The following WDR25 variants were observed in gnomAD, a reference collection of about 807,000 sequenced individuals.
The protein encoded by WDR25 is WD repeat domain 25.
A neutral mutation model predicts 47.7 loss-of-function variants in WDR25; 35 were observed. The ratio of observed to expected loss-of-function variants is 0.73; its 90% CI spans 0.56 to 0.97. WDR25 has a LOEUF of 0.97. Ranked by LOEUF, WDR25 falls within the 50% of genes least tolerant of loss-of-function variation. WDR25 has a pLI of 0.00. For missense variants in WDR25, 634 were observed against 704.7 expected, an observed-to-expected ratio of 0.90 and a Z score of 1.14; for synonymous variants, 248 against 278.9, an observed-to-expected ratio of 0.89 and a Z score of 1.10.
At position 100,525,795 on chromosome 14, in the gene WDR25, G is replaced by A. The variant is rs1034817232; in HGVS notation, c.1102-75G>A. 34 of 1,562,794 alleles carry A rather than the reference G, an allele frequency of 2.2e-5. No individual in the cohort carries two copies. The highest frequency in any genetic ancestry group is 3.0e-5 in the Non-Finnish European group (34 of 1,152,318). On this transcript the variant is annotated intron_variant, in intron 4 of 6. Transcript: ENST00000402312. The surrounding 1 kb of genome is among the most constrained non-coding windows in gnomAD (Gnocchi z 4.6). ...TTCACTAAACCTGCCTGCCCCCTGG[G>A]TCCTTGGCCTTCCCTGCATAGGCGC...
chr14:100,430,200 A>G lies in WDR25; in HGVS notation c.823-37821A>G, dbSNP rs927701327. On this transcript the variant is annotated intron_variant, in intron 2 of 6. Transcript: ENST00000402312. The surrounding 1 kb of genome is among the most constrained non-coding windows in gnomAD (Gnocchi z 4.7). Reference sequence around the variant, plus strand: ...TGTGTGTGTGTTCCCGGGAAGGCACATCCTAAGCTTGGCCTGCTGGCTCTG... The same window carrying G: ...TGTGTGTGTGTTCCCGGGAAGGCACGTCCTAAGCTTGGCCTGCTGGCTCTG... Among the ~76,000 whole-genome samples the G allele has an allele frequency of 6.0e-5, 9 of 151,090 alleles. No homozygotes were observed. The highest frequency in any genetic ancestry group is 2.6e-4 in the Admixed American group (4 of 15,198).
At chr14:100,409,008 G>A (rs1259422209) in intron 2 of WDR25, among the ~76,000 whole-genome samples, 1 of 152,198 alleles carries the variant, frequency 6.6e-6, no homozygotes, top group African/African-American at 2.4e-5. Flanking sequence ...GGTGCTTGTC[G>A]AGATAACTGA....
At chr14:100,391,567 A>G (rs1897146529) in intron 2 of WDR25, among the ~76,000 whole-genome samples, 1 of 152,338 alleles carries the variant, frequency 6.6e-6, no homozygotes, top group African/African-American at 2.4e-5. Flanking sequence ...AAGAACAGAA[A>G]GGTATAAAGA....
chr14:100,394,457 G>T (rs914855302), intron 2 of WDR25, among the ~76,000 whole-genome samples: 2 of 152,200 alleles, frequency 1.3e-5, no homozygotes, highest in Admixed American at 6.5e-5. Flanking sequence ...GCACTCAGTG[G>T]CAGTGTCAGC....
At position 100,502,577 on chromosome 14, in the gene WDR25, T is replaced by G. The variant is rs905630200; in HGVS notation, c.1101+18453T>G. 1.3e-5 allele frequency among the ~76,000 whole-genome samples: 2 copies of G among 152,226 alleles called. No individual in the cohort carries two copies. Among genetic ancestry groups the G allele is most frequent in the Non-Finnish European group, 2.9e-5 (2 of 68,034 alleles). The stretch of plus-strand genomic sequence containing the variant: ...TGTCCTGGAGCTGCTCACTTTAGAG[T>G]TCTTCATTAGGGGTCCTATAGACAC... On this transcript the variant is annotated intron_variant, in intron 4 of 6. Coordinates refer to ENST00000402312, the MANE Select transcript of WDR25 (RefSeq NM_001161476.3). This position sits in a 1 kb window ranked among gnomAD's most constrained non-coding sequence, Gnocchi z 4.5.
intron 2 of WDR25, chr14:100,454,572 C>A: frequency 1.6e-6 from 1 of 616,054 alleles, no homozygotes; most frequent in Non-Finnish European, 2.7e-6. Flanking sequence ...AAAAAGCAGG[C>A]AGAGACTGGA....
At position 100,499,433 on chromosome 14, in the gene WDR25, C is replaced by G. The variant is rs954959618; in HGVS notation, c.1101+15309C>G. On this transcript the variant is annotated intron_variant, in intron 4 of 6. Coordinates refer to ENST00000402312, the MANE Select transcript of WDR25 (RefSeq NM_001161476.3). The surrounding 1 kb of genome is among the most constrained non-coding windows in gnomAD (Gnocchi z 4.4). ...ACTTCTCTGCACAATAATTCTTAAA[C>G]GCAGAATTAGTCGAAAGGTAAGCAT... is the stretch of plus-strand genomic sequence containing the variant. Among the ~76,000 whole-genome samples the G allele has an allele frequency of 6.6e-6, 1 of 152,174 alleles. No homozygotes were observed. The highest frequency in any genetic ancestry group is 2.4e-5 in the African/African-American group (1 of 41,430).
intron 4 of WDR25, among the ~76,000 whole-genome samples, chr14:100,514,969 C>A (rs1901443516): frequency 6.6e-6 from 1 of 152,076 alleles, no homozygotes; most frequent in Non-Finnish European, 1.5e-5. Flanking sequence ...GATATTTATG[C>A]TAGGTAAAGA....
rs151218015 is a variant in WDR25 at position 100,381,513 on chromosome 14, G to T, written c.589G>T (p.Val197Leu). ...LSTETGKGKD[V>L]EPQGPPAGRA... ...CACGGAGACAGGCAAGGGTAAAGAC[G>T]TGGAGCCACAGGGGCCCCCTGCAGG... The change falls in exon 2 of 7, where the codon GTG (valine) becomes TTG (leucine). Residue 197 changes from valine to leucine, a missense_variant. Val to Leu is a conservative substitution (Grantham distance 32, BLOSUM62 1). Coordinates refer to ENST00000402312, the MANE Select transcript of WDR25 (RefSeq NM_001161476.3). 19 of 1,614,064 alleles carry T rather than the reference G, an allele frequency of 1.2e-5. No individual in the cohort carries two copies. The South Asian group carries it at 2.0e-4, about 17-fold the overall frequency.
intron 2 of WDR25, among the ~76,000 whole-genome samples, chr14:100,433,855 T>G (rs1454031363): frequency 6.6e-6 from 1 of 152,360 alleles, no homozygotes; most frequent in East Asian, 1.9e-4. Context: ...GGCTCACTTA[T>G]TCTTTTCCTG....
rs549722984 is a variant in WDR25 at position 100,500,887 on chromosome 14, A to G, written c.1101+16763A>G. ...CACTTGAGAGGATCAACACACAAAT[A>G]CATGTGTAATTGTCTATTTCTGCTT... On this transcript the variant is annotated intron_variant, in intron 4 of 6. Transcript: ENST00000402312. This position sits in a 1 kb window ranked among gnomAD's most constrained non-coding sequence, Gnocchi z 4.7. 2.0e-5 allele frequency among the ~76,000 whole-genome samples: 3 copies of G among 152,178 alleles called. No homozygotes were observed. Among genetic ancestry groups the G allele is most frequent in the African/African-American group, 7.2e-5 (3 of 41,418 alleles).
chr14:100,431,471 G>A (rs1470794293), intron 2 of WDR25, among the ~76,000 whole-genome samples: 1 of 152,014 alleles, frequency 6.6e-6, no homozygotes, highest in African/African-American at 2.4e-5. Flanking sequence ...TTAATATTGA[G>A]GATGATATGC....
intron 2 of WDR25, among the ~76,000 whole-genome samples, chr14:100,431,968 C>T (rs921809829): frequency 2.6e-5 from 4 of 152,222 alleles, no homozygotes; most frequent in Admixed American, 6.5e-5. Context: ...CCTCAGCCTC[C>T]CAAAGTGCTG....
At chr14:100,461,681 C>G (rs945032047) in intron 2 of WDR25, among the ~76,000 whole-genome samples, 8 of 152,160 alleles carry the variant, frequency 5.3e-5, no homozygotes, top group Non-Finnish European at 1.2e-4. Context: ...GTTGCACAGG[C>G]TTGTGCTGAA....
chr14:100,528,732 G>T (rs1307732434), intron 5 of WDR25, among the ~76,000 whole-genome samples: 1 of 152,188 alleles, frequency 6.6e-6, no homozygotes, highest in Non-Finnish European at 1.5e-5. Flanking sequence ...TATTTTGGGG[G>T]GCATTTTCCT....
chr14:100,385,052 G>T (rs1896988536), intron 2 of WDR25, among the ~76,000 whole-genome samples: 2 of 152,190 alleles, frequency 1.3e-5, no homozygotes. Context: ...CACTTAGTGT[G>T]TGCTCGAGTT....
In WDR25 at chr14:100,404,744, A is replaced by T. The variant is rs1897482367; in HGVS notation, c.822+22998A>T. Among the ~76,000 whole-genome samples the T allele has an allele frequency of 6.6e-6, 1 of 151,726 alleles. No homozygotes were observed. The highest frequency in any genetic ancestry group is 2.4e-5 in the African/African-American group (1 of 41,278). ...CTGTTTCTCTAGGGCCATGATCCTG[A>T]CTCTGAAATGCCAAGTATACACCCC... On this transcript the variant is annotated intron_variant, in intron 2 of 6. Coordinates refer to ENST00000402312, the MANE Select transcript of WDR25 (RefSeq NM_001161476.3). This position sits in a 1 kb window ranked among gnomAD's most constrained non-coding sequence, Gnocchi z 4.6.
rs1272571112 is a variant in WDR25 at position 100,407,528 on chromosome 14, C to T, written c.822+25782C>T. 1.3e-5 allele frequency: 2 copies of T among 152,446 alleles called. No homozygotes were observed. Among genetic ancestry groups the T allele is most frequent in the East Asian group, 1.9e-4 (1 of 5,174 alleles). 9.4% of individuals were successfully genotyped at this position (152,446 alleles called of 1,614,324 possible). A position where few individuals can be genotyped will look rare whatever the true frequency, so the allele number is the denominator to read the frequency against. On this transcript the variant is annotated intron_variant, in intron 2 of 6. Coordinates refer to ENST00000402312, the MANE Select transcript of WDR25 (RefSeq NM_001161476.3). This position sits in a 1 kb window ranked among gnomAD's most constrained non-coding sequence, Gnocchi z 4.1. ...CATGGATGGTTTTAGGCCCTTCTGC[C>T]CCCTTTGTCAGTGTGCCCTTGTGGG...
At position 100,525,127 on chromosome 14, in the gene WDR25, C is replaced by T. The variant is rs2030054358; in HGVS notation, c.1102-743C>T. ...GCGTGGGTGCCCAGCATGTTATTTC[C>T]ATATTGTCATTAAAGTCCTGTCCTC... On this transcript the variant is annotated intron_variant, in intron 4 of 6. Transcript: ENST00000402312. This position sits in a 1 kb window ranked among gnomAD's most constrained non-coding sequence, Gnocchi z 4.6. 1.3e-5 allele frequency among the ~76,000 whole-genome samples: 2 copies of T among 152,162 alleles called. No homozygotes were observed.
Sources: allele counts gnomAD v4.1 joint callset (sites outside exome capture counted in the v4.1 genomes callset), GRCh38; gene constraint gnomAD v4.1.1; non-coding constraint Gnocchi (gnomAD v3.1); transcripts MANE v1.5; gene names NCBI Gene and HGNC (gene_info 2026-07-23, HGNC 2026-07-21).